MYRIP: variants seen among roughly 807,000 people sequenced by gnomAD.
MYRIP encodes the protein rab effector MyRIP.
In MYRIP, 49 loss-of-function variants were observed where a neutral mutation model predicts 98.0. The ratio of observed to expected loss-of-function variants is 0.50; its 90% CI spans 0.40 to 0.63. The LOEUF (loss-of-function observed/expected upper bound fraction) is 0.63, where lower values mean the gene tolerates loss of function less well. Ranked by LOEUF, MYRIP falls within the 30% of genes least tolerant of loss-of-function variation. MYRIP has a pLI of 0.00. For missense variants in MYRIP, 1,004 were observed against 1,058.2 expected, an observed-to-expected ratio of 0.95 and a Z score of 0.71; for synonymous variants, 404 against 409.5, an observed-to-expected ratio of 0.99 and a Z score of 0.16.
At chr3:39,879,400 A>T in intron 1 of MYRIP, among the ~76,000 whole-genome samples, 1 of 150,166 alleles carries the variant, frequency 6.7e-6, no homozygotes, top group African/African-American at 2.4e-5. Flanking sequence ...ATTTCCTCAC[A>T]TGTCTAGCAA....
At chr3:40,035,458 A>G (rs1222152611) in intron 2 of MYRIP, among the ~76,000 whole-genome samples, 1 of 152,044 alleles carries the variant, frequency 6.6e-6, no homozygotes, top group Non-Finnish European at 1.5e-5. Context: ...ACTGGAGATT[A>G]TCTTAATCAA....
intron 3 of MYRIP, among the ~76,000 whole-genome samples, chr3:40,089,071 G>A (rs773010109): frequency 4.6e-5 from 7 of 152,050 alleles, no homozygotes; most frequent in Admixed American, 6.6e-5. Flanking sequence ...CCAGGGAGGC[G>A]GCCCCAGAAA....
At chr3:40,194,210 T>C (rs4459834) in intron 10 of MYRIP, among the ~76,000 whole-genome samples, 131,447 of 151,632 alleles carry the variant, frequency 0.87, 57,292 homozygotes, top group Middle Eastern at 0.95. Context: ...ATTTTCAGTT[T>C]AGCCCCTTAG....
chr3:40,209,789 G>C, intron 10 of MYRIP, 65 bp from the exon 11 acceptor site: 1 of 1,594,170 alleles, frequency 6.3e-7, no homozygotes, highest in Non-Finnish European at 8.5e-7. Flanking sequence ...AGGGGTTATT[G>C]GGAACAAGAA....
At chr3:40,124,227 A>G (rs764181282) in intron 3 of MYRIP, among the ~76,000 whole-genome samples, 1 of 152,212 alleles carries the variant, frequency 6.6e-6, no homozygotes, top group Non-Finnish European at 1.5e-5. Context: ...AGACGCTTCC[A>G]TCAAAGCTGT....
chr3:39,858,355 T>A (rs1942367528), intron 1 of MYRIP, among the ~76,000 whole-genome samples: 1 of 152,108 alleles, frequency 6.6e-6, no homozygotes, highest in Non-Finnish European at 1.5e-5. Flanking sequence ...ATATTATAAT[T>A]TAGGCACCCA....
In MYRIP at chr3:39,812,312, ACTT is replaced by A. The variant is rs551108727; in HGVS notation, c.-31+2400_-31+2402del. 1.4e-3 allele frequency among the ~76,000 whole-genome samples: 208 copies of A among 152,290 alleles called. 5 individuals are homozygous for A. The South Asian group carries it at 0.042, about 31-fold the overall frequency. On this transcript the variant is annotated intron_variant, in intron 1 of 16. Coordinates refer to ENST00000302541, the MANE Select transcript of MYRIP (RefSeq NM_015460.4). ...ATTTTAGTTCCCAAGCTAAAATGAG[ACTT>A]CTTGATGATTTTCTACCTCCTTTTT...
At chr3:40,013,181 C>G (rs183583620) in intron 2 of MYRIP, among the ~76,000 whole-genome samples, 15 of 152,302 alleles carry the variant, frequency 9.8e-5, no homozygotes, top group Admixed American at 8.5e-4. Flanking sequence ...TGAGGGAGGT[C>G]TGGGTGAGAC....
chr3:40,077,906 C>T (rs1031138938), intron 3 of MYRIP, among the ~76,000 whole-genome samples: 2 of 152,124 alleles, frequency 1.3e-5, no homozygotes, highest in Admixed American at 6.5e-5. Flanking sequence ...CTGCCAGTCC[C>T]GCGCCCTGCG....
chr3:40,226,104 G>C (rs556217781), intron 11 of MYRIP, among the ~76,000 whole-genome samples: 2 of 152,196 alleles, frequency 1.3e-5, no homozygotes, highest in East Asian at 3.9e-4. Flanking sequence ...CTCCCCTCAG[G>C]AAACTTGACA....
rs928234860 is a variant in MYRIP at position 39,936,897 on chromosome 3, A to G, written c.110+35971A>G. On this transcript the variant is annotated intron_variant, in intron 2 of 16. Coordinates refer to ENST00000302541, the MANE Select transcript of MYRIP (RefSeq NM_015460.4). ...CTCATCTGTCTTTGTGGTCTGGCTT[A>G]GTTTAGTGTTTTATGGAACTTGGTT... 5.3e-5 allele frequency among the ~76,000 whole-genome samples: 8 copies of G among 152,132 alleles called. No individual in the cohort carries two copies. In the South Asian group the frequency reaches 1.0e-3, roughly 20 times the overall value.
chr3:39,909,390 C>T (rs539779557), intron 2 of MYRIP, among the ~76,000 whole-genome samples: 3 of 152,222 alleles, frequency 2.0e-5, no homozygotes, highest in South Asian at 4.2e-4. Flanking sequence ...AATGTCAGGA[C>T]CCTTCTGGGC....
chr3:40,212,225 TACACAC>T (rs766775104), intron 11 of MYRIP, among the ~76,000 whole-genome samples: 1,168 of 76,896 alleles, frequency 0.015, 305 homozygotes, highest in Middle Eastern at 0.024. Flanking sequence ...TATATATATA[TACACAC>T]ACACACACAC....
chr3:40,139,823 A>C (rs1237478207), intron 3 of MYRIP, among the ~76,000 whole-genome samples: 1 of 152,112 alleles, frequency 6.6e-6, no homozygotes, highest in East Asian at 1.9e-4. Context: ...CAAGTGATCC[A>C]CCCATCTCAG....
intron 3 of MYRIP, among the ~76,000 whole-genome samples, chr3:40,124,438 A>G (rs1949477233): frequency 6.6e-6 from 1 of 152,202 alleles, no homozygotes; most frequent in African/African-American, 2.4e-5. Flanking sequence ...GCTCATTAGG[A>G]GAAAGATCAG....
intron 1 of MYRIP, among the ~76,000 whole-genome samples, chr3:39,852,219 A>G (rs1481640259): frequency 6.6e-6 from 1 of 152,170 alleles, no homozygotes; most frequent in Non-Finnish European, 1.5e-5. Context: ...TGTGGAGCCC[A>G]GTCTGCAGTT....
At chr3:39,993,001 A>C (rs1946217522) in intron 2 of MYRIP, among the ~76,000 whole-genome samples, 1 of 152,052 alleles carries the variant, frequency 6.6e-6, no homozygotes, top group South Asian at 2.1e-4. Flanking sequence ...TGTGTCTCAG[A>C]CCATTTTGTG....
intron 1 of MYRIP, among the ~76,000 whole-genome samples, chr3:39,880,479 T>C (rs569954644): frequency 2.8e-4 from 43 of 152,350 alleles, no homozygotes; most frequent in South Asian, 1.7e-3. Context: ...CATTTCTTCA[T>C]TGAGAAAAAT....
intron 1 of MYRIP, among the ~76,000 whole-genome samples, chr3:39,851,808 T>C (rs1482585608): frequency 1.3e-5 from 2 of 152,008 alleles, no homozygotes; most frequent in Non-Finnish European, 2.9e-5. Flanking sequence ...ATGGTTCAAA[T>C]AGAGGTCAAA....
Sources: allele counts gnomAD v4.1 joint callset (sites outside exome capture counted in the v4.1 genomes callset), GRCh38; gene constraint gnomAD v4.1.1; transcripts MANE v1.5; gene names NCBI Gene and HGNC (gene_info 2026-07-23, HGNC 2026-07-21).